Variants in NINJ2 observed in about 807,000 individuals in gnomAD.
The protein encoded by NINJ2 is ninjurin-2.
NINJ2 carries 12 observed loss-of-function variants against 11.7 expected under a neutral mutation model. That is an observed-to-expected ratio of 1.02 (90% CI 0.66 to 1.66). The LOEUF (loss-of-function observed/expected upper bound fraction) is 1.66, where lower values mean the gene tolerates loss of function less well. Among genes scored for constraint, NINJ2 ranks in the 40% most tolerant of loss-of-function variants. The pLI is 0.00. For missense variants in NINJ2, 187 were observed against 181.8 expected (o/e 1.03, Z -0.16); for synonymous variants, 93 against 76.8 (o/e 1.21, Z -1.10).
rs1477361372 is a variant in NINJ2, at chr12:614,735, C to T, written c.34-48557G>A. ...AACAAAGGCTTGACACCTCAGGGCTCGGCCTGCCTGTTTTTTGAGCTGTGT... is the reference window on the plus strand; with the variant it reads ...AACAAAGGCTTGACACCTCAGGGCTTGGCCTGCCTGTTTTTTGAGCTGTGT... On this transcript the variant is annotated intron_variant, in intron 1 of 3. Transcript: ENST00000305108. This position sits in a 1 kb window ranked among gnomAD's most constrained non-coding sequence, Gnocchi z 5.1. Among the ~76,000 whole-genome samples, 8 of 152,082 alleles carry T rather than the reference C, an allele frequency of 5.3e-5. No homozygotes were observed. The highest frequency in any genetic ancestry group is 2.1e-4 in the South Asian group (1 of 4,822).
chr12:599,833 G>A (rs1037467022), intron 1 of NINJ2, among the ~76,000 whole-genome samples: 30 of 152,096 alleles, frequency 2.0e-4, no homozygotes, highest in African/African-American at 6.3e-4. Context: ...ATTCCTCCCC[G>A]AGATGCCGCC....
intron 1 of NINJ2, among the ~76,000 whole-genome samples, chr12:639,364 A>G (rs150894154): frequency 9.8e-4 from 150 of 152,288 alleles, no homozygotes; most frequent in African/African-American, 3.4e-3. Context: ...AGGCACAGAG[A>G]GGTGAAGTAA....
At chr12:568,403 C>T (rs1217856923) in intron 1 of NINJ2, among the ~76,000 whole-genome samples, 1 of 152,170 alleles carries the variant, frequency 6.6e-6, no homozygotes, top group Non-Finnish European at 1.5e-5. Context: ...CACGTCTCCA[C>T]CCTGCTCTTC....
chr12:652,997 A>G (rs1021758772), intron 1 of NINJ2, among the ~76,000 whole-genome samples: 5 of 149,578 alleles, frequency 3.3e-5, no homozygotes, highest in Admixed American at 1.3e-4. Context: ...CATTTGTGAT[A>G]TACAAAGTAA....
chr12:643,011 C>T (rs1185339851), intron 1 of NINJ2: 1 of 151,898 alleles, frequency 6.6e-6, no homozygotes, highest in Non-Finnish European at 1.5e-5. Context: ...CGGCCTCTTC[C>T]GCCCGGCGCC....
At chr12:652,319 C>T (rs747664958) in intron 1 of NINJ2, among the ~76,000 whole-genome samples, 6 of 152,178 alleles carry the variant, frequency 3.9e-5, no homozygotes, top group Non-Finnish European at 5.9e-5. Context: ...CTCTATCTTG[C>T]AAAATTATCC....
At chr12:643,339 G>C (rs1252521222) in intron 1 of NINJ2, 1 of 688,922 alleles carries the variant, frequency 1.5e-6, no homozygotes, top group African/African-American at 1.9e-5. Flanking sequence ...CCCCGCGCCG[G>C]GTGGGGAGGG....
intron 1 of NINJ2, among the ~76,000 whole-genome samples, chr12:570,895 A>G (rs1015191246): frequency 6.6e-6 from 1 of 152,186 alleles, no homozygotes; most frequent in Non-Finnish European, 1.5e-5. Flanking sequence ...CATCTATAAA[A>G]CTGGAGGAAA....
At chr12:654,483 T>G (rs971845541) in intron 1 of NINJ2, among the ~76,000 whole-genome samples, 1 of 148,638 alleles carries the variant, frequency 6.7e-6, no homozygotes, top group Non-Finnish European at 1.5e-5. Flanking sequence ...ATCATGCCAT[T>G]GCACTCCAGC....
intron 1 of NINJ2, among the ~76,000 whole-genome samples, chr12:592,964 G>A (rs905669724): frequency 1.3e-5 from 2 of 151,856 alleles, no homozygotes; most frequent in Non-Finnish European, 2.9e-5. Context: ...TTGAGTAAAT[G>A]AAACTATGGA....
intron 1 of NINJ2, among the ~76,000 whole-genome samples, chr12:650,230 G>A (rs893500144): frequency 1.9e-4 from 29 of 151,830 alleles, no homozygotes; most frequent in African/African-American, 5.3e-4. Context: ...GATTACAGGC[G>A]CTCACCACCA....
intron 1 of NINJ2, among the ~76,000 whole-genome samples, chr12:572,593 T>C (rs1284586588): frequency 6.6e-6 from 1 of 152,236 alleles, no homozygotes; most frequent in East Asian, 1.9e-4. Context: ...CCTGTCACAC[T>C]GTGTGCACAC....
At chr12:661,120 C>T (rs1242730280) in intron 1 of NINJ2, among the ~76,000 whole-genome samples, 1 of 152,198 alleles carries the variant, frequency 6.6e-6, no homozygotes, top group African/African-American at 2.4e-5. Context: ...GCTCTGCCGC[C>T]CAGGCTGGAG....
At position 597,298 on chromosome 12, in the gene NINJ2, C is replaced by G. The variant is rs538654599; in HGVS notation, c.34-31120G>C. On this transcript the variant is annotated intron_variant, in intron 1 of 3. Transcript: ENST00000305108. ...GAAAATGATAATGGCACCTTCCTGA[C>G]AGGGTTGCTATGAGCACTACCTGGG... Among the ~76,000 whole-genome samples, 3 of 152,314 alleles carry G rather than the reference C, an allele frequency of 2.0e-5. No homozygotes were observed. The East Asian group carries it at 5.8e-4, about 29-fold the overall frequency.
intron 1 of NINJ2, among the ~76,000 whole-genome samples, chr12:569,895 A>C (rs1316633636): frequency 2.0e-5 from 3 of 152,178 alleles, no homozygotes; most frequent in Non-Finnish European, 4.4e-5. Flanking sequence ...GGGCGGGATC[A>C]GGGTGTCCCC....
chr12:611,253 CTCTCTT>C (rs1463555361), intron 1 of NINJ2, among the ~76,000 whole-genome samples: 1 of 84,236 alleles, frequency 1.2e-5, no homozygotes, highest in Non-Finnish European at 2.4e-5. Context: ...CTTTCTCTCT[CTCTCTT>C]TCTTTCTTTC....
At chr12:601,701 T>C (rs1947875925) in intron 1 of NINJ2, among the ~76,000 whole-genome samples, 1 of 150,266 alleles carries the variant, frequency 6.7e-6, no homozygotes, top group Non-Finnish European at 1.5e-5. Flanking sequence ...CCATCTCTAC[T>C]AAAAATACAA....
At chr12:613,668 G>A (rs56241723) in intron 1 of NINJ2, among the ~76,000 whole-genome samples, 11,413 of 152,230 alleles carry the variant, frequency 0.075, 550 homozygotes, top group Middle Eastern at 0.12. Flanking sequence ...CACTTTGGGA[G>A]GCTGAGGCGG....
chr12:567,780 G>A (rs535464416), intron 1 of NINJ2, among the ~76,000 whole-genome samples: 9 of 152,262 alleles, frequency 5.9e-5, no homozygotes, highest in Non-Finnish European at 1.0e-4. Flanking sequence ...CCAAGGCAGG[G>A]GGATCATTTG....
Sources: gnomAD v4.1 joint callset for allele counts (sites outside exome capture counted in the v4.1 genomes callset) on GRCh38, gnomAD v4.1.1 for gene constraint, Gnocchi (gnomAD v3.1) non-coding constraint, MANE v1.5 for transcripts, NCBI Gene and HGNC (gene_info 2026-07-23, HGNC 2026-07-21) for gene names.